Variants in GRM1 observed in about 807,000 individuals in gnomAD.
GRM1 encodes metabotropic glutamate receptor 1.
GRM1 carries 33 observed loss-of-function variants against 90.9 expected under a neutral mutation model. The ratio of observed to expected loss-of-function variants is 0.36; its 90% confidence interval spans 0.28 to 0.49. The LOEUF is 0.49. Among genes scored for constraint, GRM1 ranks in the 20% least tolerant of loss-of-function variants. The probability of loss-of-function intolerance (pLI) is 0.99; values close to 1 mark genes in which losing one functional copy is unlikely to be tolerated. For missense variants in GRM1, 1,190 were observed against 1,534.3 expected (o/e 0.78, Z 3.75); for synonymous variants, 700 against 613.2 (o/e 1.14, Z -2.09).
intron 3 of GRM1, among the ~76,000 whole-genome samples, chr6:146,310,934 T>A (rs1309026054): frequency 6.6e-6 from 1 of 152,204 alleles, no homozygotes; most frequent in East Asian, 1.9e-4. Context: ...AAATTATTAT[T>A]GTTTTAAACC....
At chr6:146,409,238 G>A (rs1005519376) in intron 7 of GRM1, among the ~76,000 whole-genome samples, 1 of 152,118 alleles carries the variant, frequency 6.6e-6, no homozygotes, top group Non-Finnish European at 1.5e-5. Context: ...GAGCACGCAT[G>A]GTGAGTCTAA....
chr6:146,360,772 T>C (rs1052659745), intron 5 of GRM1, among the ~76,000 whole-genome samples: 4 of 152,120 alleles, frequency 2.6e-5, no homozygotes, highest in Admixed American at 6.5e-5. Context: ...TTACCAACTA[T>C]GCAAGGATTA....
At chr6:146,252,973 T>A (rs960651381) in intron 2 of GRM1, among the ~76,000 whole-genome samples, 3 of 151,976 alleles carry the variant, frequency 2.0e-5, no homozygotes, top group African/African-American at 7.3e-5. Context: ...GGCAACAGAA[T>A]CACTTGAACC....
At chr6:146,420,007 G>T (rs1307844066) in intron 7 of GRM1, among the ~76,000 whole-genome samples, 1 of 152,176 alleles carries the variant, frequency 6.6e-6, no homozygotes, top group Non-Finnish European at 1.5e-5. Context: ...GGACTGGGGT[G>T]AGGAAATGAA....
chr6:146,052,377 C>G (rs1383553273), intron 1 of GRM1, among the ~76,000 whole-genome samples: 1 of 151,942 alleles, frequency 6.6e-6, no homozygotes, highest in Non-Finnish European at 1.5e-5. Context: ...ATCTAGGGAG[C>G]TTTAAAACCT....
At chr6:146,128,918 T>TA (rs1375582655) in intron 1 of GRM1, among the ~76,000 whole-genome samples, 1 of 152,172 alleles carries the variant, frequency 6.6e-6, no homozygotes, top group Non-Finnish European at 1.5e-5. Context: ...GTTAAAGCTG[T>TA]AAAAACCCTA....
Position 146,170,013 on chromosome 6 carries a change from A to G in GRM1, c.950+10416A>G, listed in dbSNP as rs1778047677. ...CTGAGAATGTCTTTATTTCACCTTT[A>G]ATTTTGAAAAATATTTTTGCTGGAT... On this transcript the variant is annotated intron_variant, in intron 2 of 7. Coordinates refer to ENST00000282753, the MANE Select transcript of GRM1 (RefSeq NM_001278064.2). Among the ~76,000 whole-genome samples, 2 of 152,102 alleles carry G rather than the reference A, an allele frequency of 1.3e-5. 1 individual carries two copies. Among genetic ancestry groups the G allele is most frequent in the South Asian group, 4.1e-4 (2 of 4,828 alleles).
At chr6:146,080,617 G>A (rs1425787564) in intron 1 of GRM1, among the ~76,000 whole-genome samples, 2 of 150,052 alleles carry the variant, frequency 1.3e-5, no homozygotes, top group African/African-American at 4.9e-5. Context: ...TGGTCCTCAG[G>A]TAATTCAGGG....
rs56956724 is a variant in GRM1 at position 146,260,804 on chromosome 6, G to GTTTTTTTTT, written c.951-43782_951-43774dup. On this transcript the variant is annotated intron_variant, in intron 2 of 7. Coordinates refer to ENST00000282753, the MANE Select transcript of GRM1 (RefSeq NM_001278064.2). ...CCCATTTTTTAATTAGGTTATTTGG[G>GTTTTTTTTT]TTTTTTTTTTTTTTTTTTTTTTTTT... Among the ~76,000 whole-genome samples, 19 of 22,742 alleles carry GTTTTTTTTT rather than the reference G, an allele frequency of 8.4e-4. 1 individual carries two copies. The highest frequency in any genetic ancestry group is 2.0e-3 in the Admixed American group (3 of 1,508). The allele number at this position is 22,742 out of a possible 152,430, so 14.9% of individuals were successfully genotyped here.
chr6:146,258,251 T>C (rs1781561513), intron 2 of GRM1, among the ~76,000 whole-genome samples: 1 of 152,152 alleles, frequency 6.6e-6, no homozygotes. Flanking sequence ...AAAAATGCTT[T>C]GGGGTGCACG....
intron 1 of GRM1, among the ~76,000 whole-genome samples, chr6:146,129,653 T>C (rs1025660598): frequency 1.3e-5 from 2 of 152,172 alleles, no homozygotes; most frequent in Admixed American, 6.5e-5. Context: ...CTGTTTGAGA[T>C]AGAAGGTTGT....
chr6:146,063,243 G>C (rs1413665133), intron 1 of GRM1, among the ~76,000 whole-genome samples: 1 of 152,328 alleles, frequency 6.6e-6, no homozygotes, highest in African/African-American at 2.4e-5. Flanking sequence ...TCCTGGCTGT[G>C]AATGAACTAA....
At chr6:146,129,249 C>G (rs1404138408) in intron 1 of GRM1, among the ~76,000 whole-genome samples, 1 of 152,104 alleles carries the variant, frequency 6.6e-6, no homozygotes, top group Admixed American at 6.6e-5. Flanking sequence ...ATAACATTCC[C>G]ATGTTCCTAC....
In GRM1 at chr6:146,302,721, T is replaced by G. The variant is rs1160826169; in HGVS notation, c.951-1890T>G. Among the ~76,000 whole-genome samples the G allele has an allele frequency of 3.3e-5, 5 of 152,128 alleles. No individual in the cohort carries two copies. The East Asian group carries it at 9.7e-4, about 30-fold the overall frequency. On this transcript the variant is annotated intron_variant, in intron 2 of 7. Transcript: ENST00000282753. ...GTTTGTAATTCTTTTTTAGTGTCTGTTTTCCCCACAAGGCTGTAGCACCGT... is the reference window on the plus strand; with the variant it reads ...GTTTGTAATTCTTTTTTAGTGTCTGGTTTCCCCACAAGGCTGTAGCACCGT...
At chr6:146,409,124 A>G (rs922864512) in intron 7 of GRM1, among the ~76,000 whole-genome samples, 1 of 152,188 alleles carries the variant, frequency 6.6e-6, no homozygotes, top group Non-Finnish European at 1.5e-5. Context: ...CTCATATGAC[A>G]TAGAAGACTG....
At position 146,129,589 on chromosome 6, in the gene GRM1, C is replaced by T. The variant is rs183644460; in HGVS notation, c.701-29759C>T. Among the ~76,000 whole-genome samples the T allele has an allele frequency of 4.3e-3, 660 of 152,262 alleles. 5 individuals carry two copies. Among genetic ancestry groups the T allele is most frequent in the African/African-American group, 0.015 (613 of 41,544 alleles). Reference sequence around the variant, plus strand: ...TGACAAGGACTTGTGGCCTTTGATTCATCTTGAGCTGAACCTTAGGCTGAG... The same window carrying T: ...TGACAAGGACTTGTGGCCTTTGATTTATCTTGAGCTGAACCTTAGGCTGAG... On this transcript the variant is annotated intron_variant, in intron 1 of 7. Coordinates refer to ENST00000282753, the MANE Select transcript of GRM1 (RefSeq NM_001278064.2).
At chr6:146,232,142 T>C (rs1780471067) in intron 2 of GRM1, among the ~76,000 whole-genome samples, 1 of 152,126 alleles carries the variant, frequency 6.6e-6, no homozygotes, top group South Asian at 2.1e-4. Flanking sequence ...TGGCAGTTTG[T>C]GTCTTTATTA....
intron 1 of GRM1, among the ~76,000 whole-genome samples, chr6:146,119,611 T>G (rs921761064): frequency 6.6e-6 from 1 of 152,220 alleles, no homozygotes; most frequent in Non-Finnish European, 1.5e-5. Flanking sequence ...TTGAATTAAT[T>G]TTTGTCTAAG....
chr6:146,180,800 A>C (rs541868758), intron 2 of GRM1, among the ~76,000 whole-genome samples: 8 of 152,316 alleles, frequency 5.3e-5, no homozygotes, highest in Non-Finnish European at 1.0e-4. Context: ...ACTGCACTTT[A>C]GGTTTAAAAT....
Sources: allele counts gnomAD v4.1 joint callset (sites outside exome capture counted in the v4.1 genomes callset), GRCh38; gene constraint gnomAD v4.1.1; transcripts MANE v1.5; gene names NCBI Gene and HGNC (gene_info 2026-07-23, HGNC 2026-07-21).